The following AKAP9 variants were observed in gnomAD, a reference collection of about 807,000 sequenced individuals.
AKAP9 encodes A-kinase anchor protein 9.
A neutral mutation model predicts 488.5 loss-of-function variants in AKAP9; 311 were observed. That is an observed-to-expected ratio of 0.64 (90% CI 0.58 to 0.70). AKAP9 has a LOEUF of 0.70. Ranked by LOEUF, AKAP9 falls within the 30% of genes least tolerant of loss-of-function variation. The pLI is 0.00. For missense variants in AKAP9, 4,215 were observed against 4,374.5 expected (o/e 0.96, Z 1.03); for synonymous variants, 1,462 against 1,483.5 (o/e 0.99, Z 0.33).
chr7:92,001,495 A>T lies in AKAP9; in HGVS notation c.1578A>T (p.Leu526=). 6.2e-7 allele frequency: 1 copy of T among 1,613,946 alleles called. No individual in the cohort carries two copies. The highest frequency in any genetic ancestry group is 8.5e-7 in the Non-Finnish European group (1 of 1,179,892). The change falls in exon 8 of 50, where the codon CTA becomes CTT. Residue 526 remains leucine, a synonymous_variant. Transcript: ENST00000356239. The part of the protein sequence containing the change: ...LGLILEEKCA[L]QRQLEDLVEE... ...TAATTTTAGAAGAAAAGTGTGCTCTACAGAGACAGCTTGAAGACCTTGTTG... is the reference window on the plus strand; with the variant it reads ...TAATTTTAGAAGAAAAGTGTGCTCTTCAGAGACAGCTTGAAGACCTTGTTG...
intron 14 of AKAP9, among the ~76,000 whole-genome samples, chr7:92,028,352 C>CT (rs1348031357): frequency 7.7e-6 from 1 of 129,922 alleles, no homozygotes; most frequent in African/African-American, 2.8e-5. Context: ...CTAAGTAGTA[C>CT]TTTTTGGAGT....
chr7:92,100,178 A>C (rs1817284733), intron 44 of AKAP9: 2 of 317,448 alleles, frequency 6.3e-6, no homozygotes, highest in South Asian at 3.1e-5. Context: ...TGTATCTCCA[A>C]AGCCAGATAC....
chr7:92,081,391 C>T (rs2130865726), intron 31 of AKAP9, among the ~76,000 whole-genome samples: 1 of 150,834 alleles, frequency 6.6e-6, no homozygotes, highest in East Asian at 1.9e-4. Flanking sequence ...GCAGCCTCCA[C>T]CTCCTGGGTT....
At chr7:91,954,994 A>G (rs563211001) in intron 1 of AKAP9, among the ~76,000 whole-genome samples, 1 of 152,360 alleles carries the variant, frequency 6.6e-6, no homozygotes, top group East Asian at 1.9e-4. Flanking sequence ...ACTGTACTTT[A>G]TAGATGATTT....
At chr7:92,061,036 G>T (rs888915947) in intron 22 of AKAP9, among the ~76,000 whole-genome samples, 1 of 152,126 alleles carries the variant, frequency 6.6e-6, no homozygotes, top group African/African-American at 2.4e-5. Flanking sequence ...GTTCAGTAAA[G>T]CTAGAATACA....
chr7:92,012,298 T>C (rs934104292), intron 8 of AKAP9, 131 bp from the exon 9 acceptor site: 2 of 789,314 alleles, frequency 2.5e-6, no homozygotes, highest in Non-Finnish European at 4.0e-6. Context: ...AGCACGAAGA[T>C]AGAAAAAAAA....
chr7:92,090,711 T>A (rs956664694), intron 38 of AKAP9: 5 of 152,232 alleles, frequency 3.3e-5, no homozygotes, highest in Admixed American at 6.5e-5. Flanking sequence ...TTTGGGTTGT[T>A]TCTACTTTTT....
chr7:91,965,167 A>G (rs960912288), intron 1 of AKAP9, among the ~76,000 whole-genome samples: 3 of 152,250 alleles, frequency 2.0e-5, no homozygotes, highest in African/African-American at 7.2e-5. Flanking sequence ...CTTTGTATCC[A>G]TTGTCAGCCC....
chr7:91,996,363 ATTCTTT>A (rs1183882246), intron 7 of AKAP9, among the ~76,000 whole-genome samples: 1 of 152,168 alleles, frequency 6.6e-6, no homozygotes, highest in Non-Finnish European at 1.5e-5. Flanking sequence ...ATCCTGGAAG[ATTCTTT>A]TTCTTTATTT....
At chr7:91,956,885 A>C (rs1170997977) in intron 1 of AKAP9, among the ~76,000 whole-genome samples, 1 of 152,170 alleles carries the variant, frequency 6.6e-6, no homozygotes, top group African/African-American at 2.4e-5. Context: ...AACTGTTAAA[A>C]AATTTTGATG....
intron 24 of AKAP9, chr7:92,063,325 A>C (rs1810207042): frequency 3.9e-6 from 1 of 253,680 alleles, no homozygotes; most frequent in Non-Finnish European, 6.2e-6. Flanking sequence ...TCAAAATGTT[A>C]CCAGTGATAA....
chr7:92,019,302 C>T (rs1055518614), intron 12 of AKAP9, among the ~76,000 whole-genome samples: 5 of 151,834 alleles, frequency 3.3e-5, no homozygotes, highest in African/African-American at 4.8e-5. Context: ...CCACCACACC[C>T]GGCTAATTTT....
At chr7:92,089,741 T>A (rs1815225603) in intron 38 of AKAP9, 3 of 509,078 alleles carry the variant, frequency 5.9e-6, no homozygotes, top group Non-Finnish European at 1.1e-5. Context: ...TAAAATAAAC[T>A]GCCATTCCCC....
At position 91,992,888 on chromosome 7, in the gene AKAP9, G is replaced by A. The variant is rs56254439; in HGVS notation, c.409G>A (p.Glu137Lys). Residue 137 changes from glutamate to lysine, a missense_variant, in exon 5 of 50, where the codon GAA (glutamate) becomes AAA (lysine). By Grantham distance (56) the Glu-to-Lys change is moderately conservative. This residue lies in a region of AKAP9 where 2,361 missense variants were observed against 2,430.0 expected (regional missense o/e 0.97). Transcript: ENST00000356239. ...TGKPTNLLREEEFGVDDSYSE... is the reference protein window; with the variant it reads ...TGKPTNLLREKEFGVDDSYSE... ...TTAAAATCTTGGATTGATTTAGGAAGAAGAATTTGGTGTTGATGATTCTTA... is the reference window on the plus strand; with the variant it reads ...TTAAAATCTTGGATTGATTTAGGAAAAAGAATTTGGTGTTGATGATTCTTA... The A allele has an allele frequency of 2.5e-6, 4 of 1,613,628 alleles. No homozygotes were observed. The highest frequency in any genetic ancestry group is 3.4e-6 in the Non-Finnish European group (4 of 1,179,658).
At chr7:91,973,025 A>G (rs1795276361) in intron 1 of AKAP9, among the ~76,000 whole-genome samples, 1 of 152,156 alleles carries the variant, frequency 6.6e-6, no homozygotes, top group Non-Finnish European at 1.5e-5. Flanking sequence ...CAGAAAGCAA[A>G]TTCATGTAGT....
chr7:92,016,943 T>A (rs2130715844), intron 11 of AKAP9, 74 bp from the exon 12 acceptor site: 1 of 1,127,650 alleles, frequency 8.9e-7, no homozygotes, highest in Non-Finnish European at 1.3e-6. Context: ...TATAAATAGG[T>A]GAATAATATT....
At position 92,001,549 on chromosome 7, in the gene AKAP9, T is replaced by A; in HGVS notation, c.1632T>A (p.Ile544=). 1 of 1,613,826 alleles carries A rather than the reference T, an allele frequency of 6.2e-7. No homozygotes were observed. The change falls in exon 8 of 50, where the codon ATT becomes ATA. Residue 544 remains isoleucine (I), a synonymous_variant. Coordinates refer to ENST00000356239, the MANE Select transcript of AKAP9 (RefSeq NM_005751.5). ...AATTGAGCTTTTCAAGGGAACAGATTCAGAGAGCTAGACAGACAATAGCTG... is the reference window on the plus strand; with the variant it reads ...AATTGAGCTTTTCAAGGGAACAGATACAGAGAGCTAGACAGACAATAGCTG... ...VEELSFSREQ[I]QRARQTIAEQ...
intron 28 of AKAP9, among the ~76,000 whole-genome samples, chr7:92,072,411 G>A (rs1811862381): frequency 6.6e-6 from 1 of 152,114 alleles, no homozygotes; most frequent in East Asian, 1.9e-4. Flanking sequence ...ACCATAACTG[G>A]AGACTGAGAG....
intron 1 of AKAP9, among the ~76,000 whole-genome samples, chr7:91,948,605 C>CTTTTTTTTTTTTTT (rs55928500): frequency 1.9e-5 from 2 of 107,564 alleles, no homozygotes; most frequent in African/African-American, 3.9e-5. Context: ...TTGTAGATTT[C>CTTTTTTTTTTTTTT]TTTTTTTTTT....
Sources: allele counts gnomAD v4.1 joint callset (sites outside exome capture counted in the v4.1 genomes callset), GRCh38; gene constraint gnomAD v4.1.1; regional missense constraint gnomAD v4.1.1; transcripts MANE v1.5; gene names NCBI Gene and HGNC (gene_info 2026-07-23, HGNC 2026-07-21).